Variants in CADPS2 observed in about 807,000 individuals in gnomAD.
CADPS2 encodes the protein calcium-dependent secretion activator 2.
Under a neutral mutation model 172.5 loss-of-function variants are expected in CADPS2, and 93 were observed. The observed-to-expected ratio is 0.54, with a 90% CI of 0.46 to 0.64. The LOEUF is 0.64. Among genes scored for constraint, CADPS2 ranks in the 30% least tolerant of loss-of-function variants. CADPS2 has a pLI of 0.00. For missense variants in CADPS2, 1,420 were observed against 1,565.9 expected, an observed-to-expected ratio of 0.91 and a Z score of 1.57; for synonymous variants, 546 against 555.2, an observed-to-expected ratio of 0.98 and a Z score of 0.23.
At chr7:122,723,631 G>A (rs544143071) in intron 2 of CADPS2, among the ~76,000 whole-genome samples, 1 of 152,138 alleles carries the variant, frequency 6.6e-6, no homozygotes, top group Non-Finnish European at 1.5e-5. Flanking sequence ...GATTCCTCAA[G>A]GATCTAGAAC....
chr7:122,592,067 A>G (rs1387294480), intron 6 of CADPS2, among the ~76,000 whole-genome samples: 1 of 152,170 alleles, frequency 6.6e-6, no homozygotes, highest in African/African-American at 2.4e-5. Flanking sequence ...AGAATGGGAG[A>G]AAATTTTTGC....
intron 9 of CADPS2, 50 bp from the exon 10 acceptor site, chr7:122,491,470 A>G (rs989010241): frequency 7.9e-6 from 8 of 1,007,020 alleles, no homozygotes; most frequent in Non-Finnish European, 1.2e-5. Flanking sequence ...AATTTACCAA[A>G]TTTAACTTTC....
At chr7:122,526,812 G>C (rs1002348054) in intron 8 of CADPS2, among the ~76,000 whole-genome samples, 91 of 152,204 alleles carry the variant, frequency 6.0e-4, no homozygotes, top group African/African-American at 2.1e-3. Context: ...GTCATGGCCA[G>C]CAGATTGTTT....
At chr7:122,423,828 A>C (rs1424579374) in intron 17 of CADPS2, among the ~76,000 whole-genome samples, 1 of 152,190 alleles carries the variant, frequency 6.6e-6, no homozygotes, top group Non-Finnish European at 1.5e-5. Context: ...ATTTCTAACA[A>C]GTTGCCAGGT....
chr7:122,349,085 G>GT (rs5887085), intron 27 of CADPS2, among the ~76,000 whole-genome samples: 54,816 of 151,478 alleles, frequency 0.36, 10,199 homozygotes, highest in East Asian at 0.52. Flanking sequence ...TTTTTGTGGG[G>GT]TTTTTTTTGG....
chr7:122,585,858 G>T (rs1000128901), intron 6 of CADPS2: 1 of 151,780 alleles, frequency 6.6e-6, no homozygotes, highest in Non-Finnish European at 1.5e-5. Context: ...ATTAAATAAA[G>T]GGTACTGGAA....
At chr7:122,473,401 ACT>A (rs1339545700) in intron 13 of CADPS2, among the ~76,000 whole-genome samples, 1 of 152,150 alleles carries the variant, frequency 6.6e-6, no homozygotes, top group East Asian at 1.9e-4. Flanking sequence ...CATGAATTAA[ACT>A]CTGTTAAACT....
Position 122,823,768 on chromosome 7 carries a change from C to T in CADPS2, c.339+62231G>A, listed in dbSNP as rs529682906. 3.1e-4 allele frequency among the ~76,000 whole-genome samples: 47 copies of T among 152,270 alleles called. No homozygotes were observed. In the South Asian group the frequency reaches 7.9e-3, roughly 26 times the overall value. ...ATATGACTTGGAATAGACCTAACTCCGAAACCAAGTATCTGGAAGTCTCTC... is the reference window on the plus strand; with the variant it reads ...ATATGACTTGGAATAGACCTAACTCTGAAACCAAGTATCTGGAAGTCTCTC... On this transcript the variant is annotated intron_variant, in intron 1 of 29. Transcript: ENST00000449022.
At chr7:122,580,297 A>G (rs1338839873) in intron 7 of CADPS2, among the ~76,000 whole-genome samples, 1 of 151,982 alleles carries the variant, frequency 6.6e-6, no homozygotes, top group Non-Finnish European at 1.5e-5. Flanking sequence ...TCTACTAAAA[A>G]TACAAAATTT....
intron 7 of CADPS2, among the ~76,000 whole-genome samples, chr7:122,576,575 C>T (rs1420468898): frequency 6.6e-6 from 1 of 152,012 alleles, no homozygotes; most frequent in Non-Finnish European, 1.5e-5. Flanking sequence ...AAGTTCTATA[C>T]CTCTTGGCAA....
chr7:122,339,835 A>AG (rs1246316016), intron 28 of CADPS2, among the ~76,000 whole-genome samples: 4 of 152,292 alleles, frequency 2.6e-5, no homozygotes, highest in Non-Finnish European at 5.9e-5. Flanking sequence ...CAGTGAGCCG[A>AG]GATTCCACCA....
chr7:122,764,232 C>T (rs1247814728), intron 1 of CADPS2, among the ~76,000 whole-genome samples: 1 of 152,084 alleles, frequency 6.6e-6, no homozygotes. Flanking sequence ...CGTGTTCCTA[C>T]ATCACCCTAT....
intron 1 of CADPS2, among the ~76,000 whole-genome samples, chr7:122,866,422 G>C (rs1047722827): frequency 6.6e-6 from 1 of 152,038 alleles, no homozygotes; most frequent in Non-Finnish European, 1.5e-5. Flanking sequence ...TCTGGTGGCC[G>C]GGTGCAGTGG....
chr7:122,426,720 C>T (rs2049214463), intron 17 of CADPS2, among the ~76,000 whole-genome samples: 2 of 152,162 alleles, frequency 1.3e-5, no homozygotes, highest in South Asian at 4.1e-4. Flanking sequence ...AGCCATGCTG[C>T]TATGTCTCTT....
chr7:122,451,188 A>G (rs1414917937), intron 15 of CADPS2, among the ~76,000 whole-genome samples, 186 bp downstream of exon 15: 8 of 152,158 alleles, frequency 5.3e-5, no homozygotes, highest in African/African-American at 7.2e-5. Flanking sequence ...AAATGAATAC[A>G]GGAGACTGAA....
chr7:122,451,248 G>A, intron 15 of CADPS2, 126 bp downstream of exon 15: 2 of 440,780 alleles, frequency 4.5e-6, no homozygotes, highest in Admixed American at 4.0e-5. Flanking sequence ...ACCTTACCCT[G>A]CAGGCAAGGG....
At chr7:122,666,275 T>C (rs2081183378) in intron 2 of CADPS2, among the ~76,000 whole-genome samples, 1 of 151,982 alleles carries the variant, frequency 6.6e-6, no homozygotes. Context: ...GGATGGACTC[T>C]GCCAGCTGTC....
intron 3 of CADPS2, among the ~76,000 whole-genome samples, chr7:122,639,716 C>G (rs774890638): frequency 2.0e-5 from 3 of 152,156 alleles, no homozygotes; most frequent in Non-Finnish European, 4.4e-5. Context: ...TTACAAAATA[C>G]TTCAAAATAA....
intron 14 of CADPS2, among the ~76,000 whole-genome samples, chr7:122,470,256 A>T (rs2055739348): frequency 6.6e-6 from 1 of 152,142 alleles, no homozygotes; most frequent in Non-Finnish European, 1.5e-5. Flanking sequence ...TGAAGGCCAG[A>T]ATTAGGATAA....
Sources: gnomAD v4.1 joint callset for allele counts (sites outside exome capture counted in the v4.1 genomes callset) on GRCh38, gnomAD v4.1.1 for gene constraint, MANE v1.5 for transcripts, NCBI Gene and HGNC (gene_info 2026-07-23, HGNC 2026-07-21) for gene names.